The following CYRIB variants were observed in gnomAD, a reference collection of about 807,000 sequenced individuals.
The protein encoded by CYRIB is CYFIP-related Rac1 interactor B.
In CYRIB, 8 loss-of-function variants were observed where a neutral mutation model predicts 44.2. The ratio of observed to expected loss-of-function variants is 0.18; its 90% CI spans 0.11 to 0.33. CYRIB has a LOEUF of 0.33. CYRIB is among the 10% of genes least tolerant of loss of function. CYRIB has a pLI of 1.00. For synonymous variants in CYRIB, 131 were observed against 127.2 expected (o/e 1.03, Z -0.20); for missense variants, 185 against 382.8 (o/e 0.48, Z 4.31).
At chr8:129,888,812 G>A (rs1381739895) in intron 2 of CYRIB, among the ~76,000 whole-genome samples, 12 of 152,172 alleles carry the variant, frequency 7.9e-5, no homozygotes, top group Non-Finnish European at 1.2e-4. Flanking sequence ...AAATAGAGAG[G>A]CCAGGTACAG....
rs935125746 is a variant in CYRIB at position 129,967,619 on chromosome 8, T to C, written c.-243+3324A>G. On this transcript the variant is annotated intron_variant, in intron 2 of 14. Coordinates refer to the CYRIB transcript ENST00000401979. ...TGGTCTCGATCTCCTGACCTCATGA[T>C]CCGCCTGCCTCAGCCTCCCAAAGTG... Among the ~76,000 whole-genome samples the C allele has an allele frequency of 5.3e-5, 8 of 152,202 alleles. 1 individual carries two copies. Among genetic ancestry groups the C allele is most frequent in the Non-Finnish European group, 5.9e-5 (4 of 68,034 alleles).
chr8:129,941,493 C>T (rs183648458), upstream of CYRIB, among the ~76,000 whole-genome samples: 7 of 152,084 alleles, frequency 4.6e-5, no homozygotes, highest in East Asian at 7.7e-4. Context: ...AGGCTGCTCC[C>T]GAACTCCTGA....
intron 1 of CYRIB, among the ~76,000 whole-genome samples, chr8:129,903,760 TAAG>T (rs1450063688): frequency 6.6e-6 from 1 of 152,228 alleles, no homozygotes; most frequent in Non-Finnish European, 1.5e-5. Flanking sequence ...TATCACAGTT[TAAG>T]TTCATTCAGT....
intron 2 of CYRIB, among the ~76,000 whole-genome samples, chr8:129,960,978 G>A (rs1290717123): frequency 1.3e-5 from 2 of 149,992 alleles, no homozygotes; most frequent in African/African-American, 2.5e-5. Flanking sequence ...AAGAAAGAAA[G>A]AAAGAAACTA....
At chr8:129,916,970 T>C (rs2136748096) in intron 1 of CYRIB, among the ~76,000 whole-genome samples, 1 of 152,324 alleles carries the variant, frequency 6.6e-6, no homozygotes, top group East Asian at 1.9e-4. Flanking sequence ...TAAGCATTAG[T>C]TTCCTCATTT....
intron 1 of CYRIB, among the ~76,000 whole-genome samples, chr8:129,989,797 C>A (rs921307577): frequency 8.2e-6 from 1 of 122,258 alleles, no homozygotes; most frequent in African/African-American, 3.1e-5. Context: ...CTCCCCCCTC[C>A]CCCCACCCCA....
intron 5 of CYRIB, among the ~76,000 whole-genome samples, chr8:129,859,169 T>C (rs1301001082): frequency 3.3e-5 from 5 of 152,160 alleles, no homozygotes; most frequent in Non-Finnish European, 5.9e-5. Flanking sequence ...ACATGTCCAC[T>C]GGACAGGGGG....
At chr8:129,962,016 G>A (rs930088763) in intron 2 of CYRIB, among the ~76,000 whole-genome samples, 8 of 152,178 alleles carry the variant, frequency 5.3e-5, no homozygotes, top group African/African-American at 9.7e-5. Flanking sequence ...TTGGGAGGCC[G>A]AGGTGGGAGG....
chr8:129,995,746 C>T (rs1156475253), intron 1 of CYRIB, among the ~76,000 whole-genome samples: 1 of 152,238 alleles, frequency 6.6e-6, no homozygotes, highest in African/African-American at 2.4e-5. Context: ...TACACACACA[C>T]ATACTTCCTC....
At chr8:129,870,585 CATATGG>C (rs1341164420) in intron 4 of CYRIB, among the ~76,000 whole-genome samples, 1 of 152,082 alleles carries the variant, frequency 6.6e-6, no homozygotes, top group African/African-American at 2.4e-5. Flanking sequence ...ATGTATGCCC[CATATGG>C]AATGTATGCC....
intron 1 of CYRIB, among the ~76,000 whole-genome samples, chr8:129,925,406 A>C (rs2086954192): frequency 6.6e-6 from 1 of 151,922 alleles, no homozygotes; most frequent in South Asian, 2.1e-4. Context: ...AATAATAATA[A>C]TAATGATGAC....
chr8:129,897,086 G>A (rs2068461779), intron 2 of CYRIB, among the ~76,000 whole-genome samples: 1 of 152,124 alleles, frequency 6.6e-6, no homozygotes, highest in Non-Finnish European at 1.5e-5. Flanking sequence ...AAGACAACAG[G>A]CAGAATGGCT....
chr8:129,957,750 G>A (rs894350770), intron 2 of CYRIB, among the ~76,000 whole-genome samples: 1 of 152,012 alleles, frequency 6.6e-6, no homozygotes. Flanking sequence ...TGGATCATGA[G>A]GTCAGGAGAT....
At chr8:129,886,921 G>A (rs1260508455) in intron 2 of CYRIB, among the ~76,000 whole-genome samples, 2 of 152,098 alleles carry the variant, frequency 1.3e-5, no homozygotes, top group Non-Finnish European at 2.9e-5. Context: ...AAGAGGCAAA[G>A]CACTCTTTTA....
chr8:129,959,996 C>T (rs779462701), intron 2 of CYRIB, among the ~76,000 whole-genome samples: 80 of 152,306 alleles, frequency 5.3e-4, no homozygotes, highest in Non-Finnish European at 8.7e-4. Context: ...GAAAGGAAGA[C>T]GGAGCCCTGA....
intron 2 of CYRIB, among the ~76,000 whole-genome samples, chr8:129,950,889 G>A (rs2094466646): frequency 1.3e-5 from 2 of 152,220 alleles, no homozygotes; most frequent in Admixed American, 6.5e-5. Flanking sequence ...GTAAGCCCCT[G>A]CTTTGCTACT....
chr8:129,961,169 T>C (rs905299940), intron 2 of CYRIB, among the ~76,000 whole-genome samples: 4 of 152,034 alleles, frequency 2.6e-5, no homozygotes, highest in African/African-American at 9.7e-5. Flanking sequence ...GAGACAATAA[T>C]ACCTATTTCC....
chr8:129,925,981 T>C (rs2087477285), intron 1 of CYRIB, among the ~76,000 whole-genome samples: 1 of 152,224 alleles, frequency 6.6e-6, no homozygotes, highest in Admixed American at 6.5e-5. Flanking sequence ...ACTTTCTGAA[T>C]GAAACCTTTT....
upstream of CYRIB, among the ~76,000 whole-genome samples, chr8:129,943,053 TTCAC>T (rs1290565887): frequency 1.3e-5 from 2 of 151,764 alleles, no homozygotes; most frequent in Non-Finnish European, 2.9e-5. Flanking sequence ...CAATCATTGA[TTCAC>T]TCAATCAACA....
Sources: gnomAD v4.1 joint callset for allele counts (sites outside exome capture counted in the v4.1 genomes callset) on GRCh38, gnomAD v4.1.1 for gene constraint, MANE v1.5 for transcripts, NCBI Gene and HGNC (gene_info 2026-07-23, HGNC 2026-07-21) for gene names.